CYRIA: variants seen among roughly 807,000 people sequenced by gnomAD.
The protein encoded by CYRIA is CYFIP related Rac1 interactor A.
In CYRIA, 15 loss-of-function variants were observed where a neutral mutation model predicts 43.9. That is an observed-to-expected ratio of 0.34 (90% CI 0.23 to 0.53). The LOEUF (loss-of-function observed/expected upper bound fraction) is 0.53, where lower values mean the gene tolerates loss of function less well. Among genes scored for constraint, CYRIA ranks in the 20% least tolerant of loss-of-function variants. CYRIA has a pLI of 0.94. For missense variants in CYRIA, 236 were observed against 394.2 expected, an observed-to-expected ratio of 0.60 and a Z score of 3.40; for synonymous variants, 117 against 136.0, an observed-to-expected ratio of 0.86 and a Z score of 0.97.
At chr2:16,578,525 T>C (rs1667432976) in intron 3 of CYRIA, among the ~76,000 whole-genome samples, 1 of 152,144 alleles carries the variant, frequency 6.6e-6, no homozygotes, top group Non-Finnish European at 1.5e-5. Context: ...AATGGAAAAT[T>C]TCAGAAAATC....
intron 1 of CYRIA, among the ~76,000 whole-genome samples, chr2:16,635,500 G>C (rs971942): frequency 6.6e-6 from 1 of 152,060 alleles, no homozygotes; most frequent in African/African-American, 2.4e-5. Context: ...AATCATTTGC[G>C]GGAAAAGTAA....
At chr2:16,571,240 G>T (rs933625790) in intron 3 of CYRIA, among the ~76,000 whole-genome samples, 1 of 152,192 alleles carries the variant, frequency 6.6e-6, no homozygotes, top group Non-Finnish European at 1.5e-5. Flanking sequence ...GTTTGCAGGG[G>T]CTCAATTTGT....
chr2:16,611,966 T>G (rs750014074), intron 2 of CYRIA, among the ~76,000 whole-genome samples: 10 of 152,180 alleles, frequency 6.6e-5, no homozygotes, highest in Non-Finnish European at 1.5e-4. Flanking sequence ...CAGGCCACGA[T>G]GCCTGTCCCA....
At chr2:16,648,422 C>T (rs17644569) in intron 1 of CYRIA, among the ~76,000 whole-genome samples, 4,419 of 152,092 alleles carry the variant, frequency 0.029, 100 homozygotes, top group Non-Finnish European at 0.047. Context: ...TCAATACTGT[C>T]CCTGTCAAGG....
At chr2:16,584,143 T>A (rs926371365) in intron 3 of CYRIA, among the ~76,000 whole-genome samples, 114 of 152,240 alleles carry the variant, frequency 7.5e-4, no homozygotes, top group African/African-American at 2.6e-3. Flanking sequence ...AGCAACAAAT[T>A]CGGAATCTGC....
intron 2 of CYRIA, among the ~76,000 whole-genome samples, chr2:16,616,208 C>T (rs1234003839): frequency 6.6e-6 from 1 of 152,232 alleles, no homozygotes; most frequent in Non-Finnish European, 1.5e-5. Flanking sequence ...ACATCTCCCT[C>T]CTCCTGACTC....
At chr2:16,639,045 C>T (rs1669595681) in intron 1 of CYRIA, among the ~76,000 whole-genome samples, 1 of 152,186 alleles carries the variant, frequency 6.6e-6, no homozygotes, top group Non-Finnish European at 1.5e-5. Flanking sequence ...AATCTCAGAA[C>T]TTTAAAATAT....
At chr2:16,629,201 A>G (rs1342409778) in intron 1 of CYRIA, among the ~76,000 whole-genome samples, 1 of 152,198 alleles carries the variant, frequency 6.6e-6, no homozygotes, top group Admixed American at 6.5e-5. Flanking sequence ...GGACAGGCGC[A>G]TCTCTAAGAC....
At chr2:16,639,281 G>C (rs1022567379) in intron 1 of CYRIA, among the ~76,000 whole-genome samples, 1 of 152,242 alleles carries the variant, frequency 6.6e-6, no homozygotes, top group Admixed American at 6.5e-5. Context: ...TTTCGCCAAT[G>C]AATGTATGTT....
At chr2:16,620,338 T>G (rs1482237816) in intron 2 of CYRIA, among the ~76,000 whole-genome samples, 1 of 152,168 alleles carries the variant, frequency 6.6e-6, no homozygotes, top group African/African-American at 2.4e-5. Context: ...AAACAAAACT[T>G]ATGTTCTAAC....
At position 16,552,589 on chromosome 2, in the gene CYRIA, C is replaced by A. The variant is rs1666354217; in HGVS notation, c.*347G>T. 5.4e-6 allele frequency: 1 copy of A among 185,066 alleles called. No individual in the cohort carries two copies. Among genetic ancestry groups the A allele is most frequent in the African/African-American group, 2.3e-5 (1 of 42,690 alleles). 11.5% of individuals were successfully genotyped at this position (185,066 alleles called of 1,614,324 possible). Reference sequence around the variant, plus strand: ...ATATTTTGTGTTTCTATAAACTATACTTCCCAGAGAGATAACACATCTAGA... The same window carrying A: ...ATATTTTGTGTTTCTATAAACTATAATTCCCAGAGAGATAACACATCTAGA... On this transcript the variant is annotated 3_prime_UTR_variant, in exon 12 of 12. Coordinates refer to ENST00000381323, the MANE Select transcript of CYRIA (RefSeq NM_030797.4).
Position 16,608,123 on chromosome 2 carries a change from G to A in CYRIA, c.-11+15741C>T, listed in dbSNP as rs114689825. Among the ~76,000 whole-genome samples, 1,043 of 152,082 alleles carry A rather than the reference G, an allele frequency of 6.9e-3. 9 individuals carry two copies. Among genetic ancestry groups the A allele is most frequent in the African/African-American group, 0.024 (993 of 41,476 alleles). On this transcript the variant is annotated intron_variant, in intron 2 of 11. Transcript: ENST00000381323. ...ACCACCAAGCAGGGTCCCACACATC[G>A]CATTATTCATTTATGGCCACTGAGA... is the stretch of plus-strand genomic sequence containing the variant.
rs544157176 is a variant in CYRIA at position 16,554,994 on chromosome 2, A to G, written c.908+75T>C. 7.7e-6 allele frequency: 9 copies of G among 1,174,172 alleles called. No homozygotes were observed. The Admixed American group carries it at 1.7e-4, about 22-fold the overall frequency. The allele number at this position is 1,174,172 out of a possible 1,614,324, so 72.7% of individuals were successfully genotyped here. ...GCAAGGGTTAAGTTTGGTGCTATCC[A>G]CAACAGTATTTAAATTTGCAATGGC... On this transcript the variant is annotated intron_variant, in intron 11 of 11. Transcript: ENST00000381323.
chr2:16,615,951 T>C (rs1251597429), intron 2 of CYRIA, among the ~76,000 whole-genome samples: 1 of 152,214 alleles, frequency 6.6e-6, no homozygotes, highest in Non-Finnish European at 1.5e-5. Flanking sequence ...CCTGGGACCA[T>C]CTTCACTCCA....
chr2:16,585,338 C>A (rs927429479), intron 3 of CYRIA, among the ~76,000 whole-genome samples: 3 of 152,042 alleles, frequency 2.0e-5, no homozygotes, highest in Admixed American at 6.6e-5. Flanking sequence ...GTGGTGAGCA[C>A]TTAGGGGAAG....
chr2:16,603,641 C>T (rs765286311), intron 2 of CYRIA, among the ~76,000 whole-genome samples: 8 of 152,324 alleles, frequency 5.3e-5, no homozygotes, highest in Non-Finnish European at 1.2e-4. Flanking sequence ...GTCTTGTGGG[C>T]CATGCAACAG....
intron 2 of CYRIA, among the ~76,000 whole-genome samples, chr2:16,610,965 A>C (rs1234374705): frequency 7.5e-6 from 1 of 132,510 alleles, no homozygotes; most frequent in African/African-American, 2.7e-5. Flanking sequence ...TATTTCTATC[A>C]AAAATGTAAT....
At chr2:16,612,700 C>T (rs719433) in intron 2 of CYRIA, among the ~76,000 whole-genome samples, 1 of 151,980 alleles carries the variant, frequency 6.6e-6, no homozygotes, top group African/African-American at 2.4e-5. Flanking sequence ...GGCTGAGCTG[C>T]GTGAGAAGTC....
chr2:16,658,646 G>T (rs1242438930), intron 1 of CYRIA, among the ~76,000 whole-genome samples: 1 of 152,168 alleles, frequency 6.6e-6, no homozygotes. Context: ...AAAGCCACTG[G>T]TCTCAGTTTC....
Sources: allele counts gnomAD v4.1 joint callset (sites outside exome capture counted in the v4.1 genomes callset), GRCh38; gene constraint gnomAD v4.1.1; transcripts MANE v1.5; gene names NCBI Gene and HGNC (gene_info 2026-07-23, HGNC 2026-07-21).